GABRA3: variants seen among roughly 807,000 people sequenced by gnomAD.
GABRA3 encodes gamma-aminobutyric acid receptor subunit alpha-3.
GABRA3 carries 10 observed loss-of-function variants against 30.1 expected under a neutral mutation model. The ratio of observed to expected loss-of-function variants is 0.33; its 90% confidence interval spans 0.20 to 0.56. The LOEUF is 0.56. Among genes scored for constraint, GABRA3 ranks in the 20% least tolerant of loss-of-function variants. The pLI is 0.89. For synonymous variants in GABRA3, 151 were observed against 146.8 expected, an observed-to-expected ratio of 1.03 and a Z score of -0.21; for missense variants, 233 against 392.0, an observed-to-expected ratio of 0.59 and a Z score of 3.42.
At chrX:152,269,404 A>G (rs143145360) in intron 4 of GABRA3, among the ~76,000 whole-genome samples, 275 of 112,397 alleles carry the variant, frequency 2.4e-3, no homozygotes, top group Non-Finnish European at 3.2e-3. Flanking sequence ...TAAAATGACA[A>G]TATTACACAA....
chrX:152,417,357 T>A (rs1930253813), intron 1 of GABRA3, among the ~76,000 whole-genome samples: 1 of 108,698 alleles, frequency 9.2e-6, no homozygotes, highest in Non-Finnish European at 1.9e-5. Flanking sequence ...ATGGTGATCA[T>A]TAAAAAGTCA....
intron 2 of GABRA3, among the ~76,000 whole-genome samples, chrX:152,356,026 T>TA (rs1324231167): frequency 9.0e-6 from 1 of 111,385 alleles, no homozygotes; most frequent in Non-Finnish European, 1.9e-5. Context: ...AGGTACAGAT[T>TA]AAAAAATCAG....
At chrX:152,369,796 G>GT (rs201089704) in intron 1 of GABRA3, among the ~76,000 whole-genome samples, 2,994 of 110,517 alleles carry the variant, frequency 0.027, 101 homozygotes, top group African/African-American at 0.093. Flanking sequence ...GAGGATTTTG[G>GT]TTTTTTTTAA....
chrX:152,439,700 AC>A (rs945567995), intron 1 of GABRA3, among the ~76,000 whole-genome samples: 2 of 111,988 alleles, frequency 1.8e-5, no homozygotes, highest in African/African-American at 6.5e-5. Context: ...TGGGAAAAAA[AC>A]AAATGTCCCT....
rs1417540131 is a variant in GABRA3 at position 152,323,773 on chromosome X, T to G, written c.262+21808A>C. 2.7e-5 allele frequency among the ~76,000 whole-genome samples: 3 copies of G among 112,147 alleles called. No homozygotes were observed. In the East Asian group the frequency reaches 8.4e-4, roughly 31 times the overall value. ...CTTGTGTGCTTAATACTGTTTACAT[T>G]TACACTGGTCTTTTTTGAGGAACCT... is the stretch of plus-strand genomic sequence containing the variant. On this transcript the variant is annotated intron_variant, in intron 3 of 9. Transcript: ENST00000370314.
intron 4 of GABRA3, among the ~76,000 whole-genome samples, chrX:152,274,542 C>T (rs2124429450): frequency 9.0e-6 from 1 of 110,972 alleles, no homozygotes; most frequent in South Asian, 3.7e-4. Flanking sequence ...AATTGAAAAA[C>T]ACTAAAAAAA....
intron 1 of GABRA3, among the ~76,000 whole-genome samples, chrX:152,449,372 T>G (rs759817724): frequency 8.9e-6 from 1 of 112,267 alleles, no homozygotes; most frequent in East Asian, 2.8e-4. Context: ...TAAAGCTTAA[T>G]GAATGACCTT....
intron 1 of GABRA3, among the ~76,000 whole-genome samples, chrX:152,434,599 A>G (rs1930730764): frequency 8.9e-6 from 1 of 111,804 alleles, no homozygotes; most frequent in Admixed American, 9.5e-5. Flanking sequence ...AAGAAAAGAA[A>G]ATTAAAGACC....
chrX:152,233,526 T>A (rs1334001201), intron 5 of GABRA3, among the ~76,000 whole-genome samples: 1 of 109,351 alleles, frequency 9.1e-6, no homozygotes, highest in East Asian at 3.0e-4. Context: ...AGAATGGCGA[T>A]CATTAAAAAG....
chrX:152,403,551 C>CGTGTGTGTATGTGCACACGTGTGT (rs1929847956), intron 1 of GABRA3, among the ~76,000 whole-genome samples: 1 of 73,662 alleles, frequency 1.4e-5, no homozygotes. Flanking sequence ...TGTGTGCACA[C>CGTGTGTGTATGTGCACACGTGTGT]GTGTGTGTAT....
chrX:152,387,330 T>A (rs965890544), intron 1 of GABRA3, among the ~76,000 whole-genome samples: 5 of 111,395 alleles, frequency 4.5e-5, no homozygotes, highest in African/African-American at 1.6e-4. Context: ...AAAATCATGA[T>A]TCCATTCATA....
intron 1 of GABRA3, among the ~76,000 whole-genome samples, chrX:152,413,670 G>C (rs977374560): frequency 2.7e-5 from 3 of 110,707 alleles, no homozygotes; most frequent in African/African-American, 9.8e-5. Context: ...TATAAAGAAC[G>C]CCTGAAAAAA....
At chrX:152,180,293 G>A (rs1438038127) in intron 9 of GABRA3, among the ~76,000 whole-genome samples, 2 of 111,836 alleles carry the variant, frequency 1.8e-5, no homozygotes, top group Non-Finnish European at 1.9e-5. Flanking sequence ...TTTTTCTGAT[G>A]ATTAGTAATC....
At chrX:152,413,528 C>G (rs371275493) in intron 1 of GABRA3, among the ~76,000 whole-genome samples, 3 of 111,222 alleles carry the variant, frequency 2.7e-5, no homozygotes, top group East Asian at 5.7e-4. Flanking sequence ...TCAATTTAAC[C>G]CACCATAACA....
At chrX:152,362,223 T>C (rs753657193) in intron 2 of GABRA3, among the ~76,000 whole-genome samples, 41 of 109,927 alleles carry the variant, frequency 3.7e-4, no homozygotes, top group Non-Finnish European at 5.7e-4. Flanking sequence ...TCAAGATGCA[T>C]GCTTCCAAGA....
At chrX:152,285,948 A>C (rs1389815447) in intron 3 of GABRA3, among the ~76,000 whole-genome samples, 1 of 106,841 alleles carries the variant, frequency 9.4e-6, no homozygotes, top group Non-Finnish European at 1.9e-5. Flanking sequence ...CTTAGTACTA[A>C]GTATTTATAG....
chrX:152,360,740 A>AAAAAAAAAATT (rs1569407726), intron 2 of GABRA3, among the ~76,000 whole-genome samples: 1 of 77,206 alleles, frequency 1.3e-5, no homozygotes, highest in African/African-American at 6.8e-5. Flanking sequence ...AAAAAAAATT[A>AAAAAAAAAATT]AAAAAAAAAA....
At chrX:152,425,718 C>T (rs1930500235) in intron 1 of GABRA3, among the ~76,000 whole-genome samples, 1 of 110,707 alleles carries the variant, frequency 9.0e-6, no homozygotes. Flanking sequence ...CTTTCAACTT[C>T]TGTCCTGGTT....
chrX:152,173,498 G>A (rs923040859), intron 9 of GABRA3, among the ~76,000 whole-genome samples: 7 of 111,388 alleles, frequency 6.3e-5, no homozygotes, highest in African/African-American at 2.3e-4. Context: ...CCAGGCTGGA[G>A]TGCAATGGCA....
Sources: allele counts gnomAD v4.1 joint callset (sites outside exome capture counted in the v4.1 genomes callset), GRCh38; gene constraint gnomAD v4.1.1; transcripts MANE v1.5; gene names NCBI Gene and HGNC (gene_info 2026-07-23, HGNC 2026-07-21).